CDH18: variants seen among roughly 807,000 people sequenced by gnomAD.
The protein encoded by CDH18 is cadherin 18.
Under a neutral mutation model 67.9 loss-of-function variants are expected in CDH18, and 31 were observed. The observed-to-expected ratio is 0.46, with a 90% CI of 0.34 to 0.62. The LOEUF is 0.62. Among genes scored for constraint, CDH18 ranks in the 20% least tolerant of loss-of-function variants. The pLI, the probability that CDH18 is intolerant of heterozygous loss-of-function variation, is 0.01. For synonymous variants in CDH18, 362 were observed against 347.2 expected (o/e 1.04, Z -0.48); for missense variants, 890 against 975.5 (o/e 0.91, Z 1.17).
intron 3 of CDH18, among the ~76,000 whole-genome samples, chr5:19,759,953 C>G (rs1030145370): frequency 6.6e-6 from 1 of 152,030 alleles, no homozygotes; most frequent in African/African-American, 2.4e-5. Context: ...TCCATTTAAC[C>G]TAGAAGTTTT....
intron 1 of CDH18, among the ~76,000 whole-genome samples, chr5:20,280,801 T>G (rs191643304): frequency 0.027 from 4,083 of 152,290 alleles, 192 homozygotes; most frequent in African/African-American, 0.092. Context: ...CCACAAGGGT[T>G]GAACTAGTTT....
At chr5:19,926,831 A>G (rs1343973588) in intron 2 of CDH18, among the ~76,000 whole-genome samples, 1 of 152,120 alleles carries the variant, frequency 6.6e-6, no homozygotes, top group African/African-American at 2.4e-5. Flanking sequence ...AATAAAACGT[A>G]TCTATATATA....
Position 20,266,571 on chromosome 5 carries a change from A to ATTTT in CDH18, c.-579-11070_-579-11067dup, listed in dbSNP as rs34718835. On this transcript the variant is annotated intron_variant, in intron 1 of 14. Coordinates refer to the CDH18 transcript ENST00000507958. ...GGCACGTGCCGGCACGCCCGGCTGAATTTTTTTTTTTTTTTTTTTTTTTTT... is the reference window on the plus strand; with the variant it reads ...GGCACGTGCCGGCACGCCCGGCTGAATTTTTTTTTTTTTTTTTTTTTTTTTTTTT... Among the ~76,000 whole-genome samples, 77 of 59,174 alleles carry ATTTT rather than the reference A, an allele frequency of 1.3e-3. 1 individual carries two copies. The highest frequency in any genetic ancestry group is 2.7e-3 in the African/African-American group (38 of 14,112). The allele number at this position is 59,174 out of a possible 152,430, so 38.8% of individuals were successfully genotyped here. A position where few individuals can be genotyped will look rare whatever the true frequency, so the allele number is the denominator to read the frequency against.
chr5:20,328,495 G>A (rs1283580828), intron 1 of CDH18, among the ~76,000 whole-genome samples: 38 of 151,398 alleles, frequency 2.5e-4, no homozygotes, highest in African/African-American at 8.6e-4. Context: ...GTGTGTGTGT[G>A]TGTGTGTGTG....
intron 1 of CDH18, among the ~76,000 whole-genome samples, chr5:20,556,374 A>G (rs937004968): frequency 2.6e-5 from 4 of 152,136 alleles, no homozygotes; most frequent in Non-Finnish European, 5.9e-5. Context: ...AGATGCCCAG[A>G]GTCAATCACT....
intron 3 of CDH18, chr5:19,804,077 C>A (rs1284893679): frequency 2.0e-5 from 3 of 149,910 alleles, no homozygotes; most frequent in Non-Finnish European, 4.4e-5. Context: ...GCGGAGATTA[C>A]GCCACTGCAC....
At chr5:20,103,274 A>C (rs1746630562) in intron 2 of CDH18, among the ~76,000 whole-genome samples, 1 of 152,210 alleles carries the variant, frequency 6.6e-6, no homozygotes, top group African/African-American at 2.4e-5. Context: ...CTTAACAATG[A>C]GCTTGAAATG....
intron 2 of CDH18, among the ~76,000 whole-genome samples, chr5:19,904,878 G>A (rs1163688206): frequency 6.6e-6 from 1 of 152,136 alleles, no homozygotes; most frequent in Non-Finnish European, 1.5e-5. Context: ...CATGACAGTT[G>A]CAGATTTGCT....
At position 20,179,648 on chromosome 5, in the gene CDH18, C is replaced by T. The variant is rs6898741; in HGVS notation, c.-518+75796G>A. Among the ~76,000 whole-genome samples the T allele has an allele frequency of 7.6e-3, 1,155 of 152,176 alleles. 9 individuals carry two copies. Among genetic ancestry groups the T allele is most frequent in the African/African-American group, 0.012 (483 of 41,536 alleles). On this transcript the variant is annotated intron_variant, in intron 2 of 14. Transcript: ENST00000507958. The stretch of plus-strand genomic sequence containing the variant: ...TTGGTCAGGGAGACAAGACATGGGA[C>T]TGGTAAGGGAATAAACCAAGGGAGT...
chr5:20,535,527 C>T (rs1176874884), intron 1 of CDH18, among the ~76,000 whole-genome samples: 1 of 152,080 alleles, frequency 6.6e-6, no homozygotes, highest in Non-Finnish European at 1.5e-5. Context: ...TGCCAAGTAA[C>T]ATAATCTATA....
rs140392627 is a variant in CDH18 at position 20,111,192 on chromosome 5, G to A, written c.-517-119178C>T. Among the ~76,000 whole-genome samples, 96 of 152,302 alleles carry A rather than the reference G, an allele frequency of 6.3e-4. No individual in the cohort carries two copies. The South Asian group carries it at 0.017, about 27-fold the overall frequency. On this transcript the variant is annotated intron_variant, in intron 2 of 14. Transcript: ENST00000507958. The stretch of plus-strand genomic sequence containing the variant: ...AAAGGGAGGGAATTAGAGAAGTTGA[G>A]CTCATTTCTTACTTTGGGACATATA...
chr5:19,700,264 A>G (rs1377374903), intron 5 of CDH18, among the ~76,000 whole-genome samples: 1 of 152,148 alleles, frequency 6.6e-6, no homozygotes, highest in Non-Finnish European at 1.5e-5. Context: ...AACAACATCA[A>G]TGTGTTCAAC....
intron 3 of CDH18, among the ~76,000 whole-genome samples, chr5:19,760,978 A>G (rs1772260066): frequency 6.6e-6 from 1 of 152,084 alleles, no homozygotes; most frequent in Non-Finnish European, 1.5e-5. Context: ...TCTGGCCAAA[A>G]AATATTCACC....
intron 1 of CDH18, among the ~76,000 whole-genome samples, chr5:20,383,868 A>C (rs1462256416): frequency 1.3e-5 from 2 of 152,156 alleles, no homozygotes; most frequent in East Asian, 3.8e-4. Context: ...AAAGGATAAT[A>C]TCATTATCAA....
chr5:19,756,124 A>T (rs1771572178), intron 3 of CDH18, among the ~76,000 whole-genome samples: 1 of 152,150 alleles, frequency 6.6e-6, no homozygotes, highest in Non-Finnish European at 1.5e-5. Context: ...ACGTAATACA[A>T]CTGTCCTCTG....
chr5:19,546,142 C>G (rs979220418), intron 8 of CDH18, among the ~76,000 whole-genome samples: 1 of 151,932 alleles, frequency 6.6e-6, no homozygotes, highest in South Asian at 2.1e-4. Flanking sequence ...TTGGATTTGG[C>G]AAGATGGACA....
intron 1 of CDH18, among the ~76,000 whole-genome samples, chr5:20,351,006 T>A (rs1741128398): frequency 6.6e-6 from 1 of 152,108 alleles, no homozygotes; most frequent in Non-Finnish European, 1.5e-5. Context: ...TTCATACTCA[T>A]TTTCATCAAA....
chr5:19,658,851 G>T (rs1756778466), intron 5 of CDH18, among the ~76,000 whole-genome samples: 1 of 151,766 alleles, frequency 6.6e-6, no homozygotes, highest in African/African-American at 2.4e-5. Flanking sequence ...TCCTTCCTGT[G>T]TCCATGTGTT....
intron 3 of CDH18, among the ~76,000 whole-genome samples, chr5:19,822,986 T>G (rs550325141): frequency 5.3e-5 from 8 of 152,326 alleles, no homozygotes; most frequent in African/African-American, 1.9e-4. Flanking sequence ...CGCATTCTCT[T>G]TCTCAGGGAT....
Sources: gnomAD v4.1 joint callset for allele counts (sites outside exome capture counted in the v4.1 genomes callset) on GRCh38, gnomAD v4.1.1 for gene constraint, MANE v1.5 for transcripts, NCBI Gene and HGNC (gene_info 2026-07-23, HGNC 2026-07-21) for gene names.